FOXD4L1: variants seen among roughly 807,000 people sequenced by gnomAD.
The protein encoded by FOXD4L1 is forkhead box D4 like 1.
A neutral mutation model predicts 24.8 loss-of-function variants in FOXD4L1; 10 were observed. That is an observed-to-expected ratio of 0.40 (90% CI 0.25 to 0.68). The LOEUF is 0.68. FOXD4L1 is among the 30% of genes least tolerant of loss of function. The probability of loss-of-function intolerance (pLI) is 0.37; values close to 1 mark genes in which losing one functional copy is unlikely to be tolerated. For missense variants in FOXD4L1, 364 were observed against 572.4 expected, an observed-to-expected ratio of 0.64 and a Z score of 3.72; for synonymous variants, 159 against 256.4, an observed-to-expected ratio of 0.62 and a Z score of 3.63.
At chr2:113,499,861 G>T (rs1484664140) in exon 1 of FOXD4L1, 1 of 1,576,026 alleles carries the variant, frequency 6.3e-7, no homozygotes, top group Non-Finnish European at 8.6e-7. Flanking sequence ...CGTAGGAAGC[G>T]TTTCAAGCGC....
In FOXD4L1 at chr2:113,500,555, G is replaced by C. The variant is rs531622876; in HGVS notation, c.*72G>C. The C allele has an allele frequency of 4.0e-6, 6 of 1,499,744 alleles. 1 individual carries two copies. In the African/African-American group the frequency reaches 8.4e-5, roughly 21 times the overall value. The allele number at this position is 1,499,744 out of a possible 1,614,324, so 92.9% of individuals were successfully genotyped here. ...GTTTTTTTAGTATCGCCCACGCCCA[G>C]TTCCCTGGCCAAGTCCGCAGGGCCC... On this transcript the variant is annotated 3_prime_UTR_variant, in exon 1 of 1. Coordinates refer to ENST00000306507, the Ensembl canonical transcript of FOXD4L1.
In FOXD4L1 at chr2:113,500,232, A is replaced by C. The variant is rs1242156743; in HGVS notation, c.976A>C (p.Ile326Leu). 2 of 1,556,910 alleles carry C rather than the reference A, an allele frequency of 1.3e-6. 1 individual carries two copies. The highest frequency in any genetic ancestry group is 5.6e-5 in the East Asian group (2 of 35,628). Residue 326 changes from isoleucine (I) to leucine (L), a missense_variant, in exon 1 of 1, where the codon ATT becomes CTT. Physicochemically the swap from Ile to Leu is conservative, Grantham distance 5. Coordinates refer to ENST00000306507, the Ensembl canonical transcript of FOXD4L1. Reference sequence around the variant, plus strand: ...GGGAGGCGGATGCATCTCTTTCAGCATTGAGAGTATCATGCAAGGGGTCAG... The same window carrying C: ...GGGAGGCGGATGCATCTCTTTCAGCCTTGAGAGTATCATGCAAGGGGTCAG...
Position 113,500,519 on chromosome 2 carries a change from G to A in FOXD4L1, c.*36G>A, listed in dbSNP as rs761445044. 4.6e-6 allele frequency: 7 copies of A among 1,512,944 alleles called. 2 individuals are homozygous for A. The highest frequency in any genetic ancestry group is 3.6e-5 in the South Asian group (3 of 84,148). The allele number at this position is 1,512,944 out of a possible 1,614,324, so 93.7% of individuals were successfully genotyped here. ...CTGGCTGCCCCTTTGGGCGGAGAGGGGACCTCACCAGTTTTTTTAGTATCG... is the reference window on the plus strand; with the variant it reads ...CTGGCTGCCCCTTTGGGCGGAGAGGAGACCTCACCAGTTTTTTTAGTATCG... On this transcript the variant is annotated 3_prime_UTR_variant, in exon 1 of 1. Coordinates refer to ENST00000306507, the Ensembl canonical transcript of FOXD4L1.
In FOXD4L1 at chr2:113,499,756, A is replaced by C. The variant is rs754819870; in HGVS notation, c.500A>C (p.Lys167Thr). 20 of 1,602,800 alleles carry C rather than the reference A, an allele frequency of 1.2e-5. 1 individual carries two copies. The South Asian group carries it at 2.2e-4, about 18-fold the overall frequency. ...CTCTCGCTGAACGACTGCTTCGTCA[A>C]GATCCCCCGCGAGCCGGGCCACCCA... The change falls in exon 1 of 1, where the codon AAG (lysine) becomes ACG (threonine). Residue 167 changes from lysine to threonine, a missense_variant. Lys to Thr is a moderately conservative substitution (Grantham distance 78). Coordinates refer to ENST00000306507, the Ensembl canonical transcript of FOXD4L1.
rs1682431510 is a variant in FOXD4L1 at position 113,500,716 on chromosome 2, A to G, written c.*233A>G. On this transcript the variant is annotated 3_prime_UTR_variant, in exon 1 of 1. Coordinates refer to ENST00000306507, the Ensembl canonical transcript of FOXD4L1. ...TGTTCCCTGCAAAATGGTTAGAAAG[A>G]AACAGCTGGATTACGTTCCTCTAAA... 1.4e-5 allele frequency: 16 copies of G among 1,114,464 alleles called. 1 individual carries two copies. Among genetic ancestry groups the G allele is most frequent in the Non-Finnish European group, 1.9e-5 (15 of 808,052 alleles). 69.0% of individuals were successfully genotyped at this position (1,114,464 alleles called of 1,614,324 possible).
exon 1 of FOXD4L1, chr2:113,499,056 T>G (rs1317914629): frequency 6.0e-6 from 5 of 826,916 alleles, no homozygotes; most frequent in Non-Finnish European, 9.4e-6. Flanking sequence ...CACATGGTCT[T>G]GAAGAAGCTT....
chr2:113,499,379 C>CGAG (rs780875708), exon 1 of FOXD4L1: 5 of 1,610,036 alleles, frequency 3.1e-6, no homozygotes, highest in Non-Finnish European at 4.2e-6. Context: ...AGGTGGAAGA[C>CGAG]GAGGAGGAGG....
At position 113,499,356 on chromosome 2, in the gene FOXD4L1, G is replaced by A. The variant is rs752667315; in HGVS notation, c.100G>A (p.Glu34Lys). Reference sequence around the variant, plus strand: ...TAAAATCGATGTCCTGGGAGAGGAGGAAGATGAAGACGAGGTGGAAGACGA... The same window carrying A: ...TAAAATCGATGTCCTGGGAGAGGAGAAAGATGAAGACGAGGTGGAAGACGA... Residue 34 changes from glutamate to lysine, a missense_variant, in exon 1 of 1, where the codon GAA becomes AAA. Physicochemically the swap from Glu to Lys is moderately conservative, Grantham distance 56 (BLOSUM62 1). Coordinates refer to ENST00000306507, the Ensembl canonical transcript of FOXD4L1. 1.1e-5 allele frequency: 18 copies of A among 1,610,546 alleles called. No homozygotes were observed. The East Asian group carries it at 1.8e-4, about 16-fold the overall frequency.
rs765540047 is a variant in FOXD4L1 at position 113,500,326 on chromosome 2, G to A, written c.1070G>A (p.Arg357Gln). ...TGGAGCTACTGCCCCCTGCTCCAGCGACCGTCAAGCCTGTCGGACAATTTT... is the reference window on the plus strand; with the variant it reads ...TGGAGCTACTGCCCCCTGCTCCAGCAACCGTCAAGCCTGTCGGACAATTTT... Residue 357 changes from arginine to glutamine, a missense_variant, in exon 1 of 1, where the codon CGA (arginine) becomes CAA (glutamine). Physicochemically the swap from Arg to Gln is conservative, Grantham distance 43. Coordinates refer to ENST00000306507, the Ensembl canonical transcript of FOXD4L1. 7 of 1,522,602 alleles carry A rather than the reference G, an allele frequency of 4.6e-6. 1 individual carries two copies. The highest frequency in any genetic ancestry group is 4.6e-4 in the Middle Eastern group (2 of 4,340). The allele number at this position is 1,522,602 out of a possible 1,614,324, so 94.3% of individuals were successfully genotyped here.
exon 1 of FOXD4L1, chr2:113,499,693 G>T (rs749490327): frequency 6.2e-7 from 1 of 1,609,236 alleles, no homozygotes; most frequent in Non-Finnish European, 8.5e-7. Flanking sequence ...TACTACCGCC[G>T]CAAGTTCCCC....
chr2:113,500,425 G>T, exon 1 of FOXD4L1: 2 of 1,518,982 alleles, frequency 1.3e-6, no homozygotes, highest in Non-Finnish European at 1.8e-6. Context: ...GGTGCTGGGC[G>T]GGCACCTGTC....
chr2:113,500,487 G>A lies in FOXD4L1; in HGVS notation c.*4G>A, dbSNP rs201768703. 4.2e-5 allele frequency: 64 copies of A among 1,517,302 alleles called. 16 individuals are homozygous for A. The highest frequency in any genetic ancestry group is 5.5e-5 in the Non-Finnish European group (62 of 1,125,098). 94.0% of individuals were successfully genotyped at this position (1,517,302 alleles called of 1,614,324 possible). ...AGGCGGTGGCAGAGGGCTCTAGGCT[G>A]ACATCGCTGGCTGCCCCTTTGGGCG... On this transcript the variant is annotated 3_prime_UTR_variant, in exon 1 of 1. Coordinates refer to ENST00000306507, the Ensembl canonical transcript of FOXD4L1.
At chr2:113,499,423 A>T (rs1216785668) in exon 1 of FOXD4L1, 1 of 1,605,340 alleles carries the variant, frequency 6.2e-7, no homozygotes, top group Admixed American at 1.7e-5. Context: ...CAGTCGCTCC[A>T]GCCGGGGCTG....
Position 113,499,804 on chromosome 2 carries a change from T to G in FOXD4L1, c.548T>G (p.Leu183Arg), listed in dbSNP as rs13428956. 15,561 of 1,538,766 alleles carry G rather than the reference T, an allele frequency of 0.01. 3,179 individuals carry two copies. The African/African-American group carries it at 0.19, about 19-fold the overall frequency. ...CCAGGCAAGGGCACCTACTGGAGCCTGGACCCCGCCTCCCAGGACATGTTC... is the reference window on the plus strand; with the variant it reads ...CCAGGCAAGGGCACCTACTGGAGCCGGGACCCCGCCTCCCAGGACATGTTC... The change falls in exon 1 of 1, where the codon CTG becomes CGG. Residue 183 changes from leucine to arginine, a missense_variant. Transcript: ENST00000306507.
exon 1 of FOXD4L1, chr2:113,500,651 G>A: frequency 1.4e-6 from 2 of 1,412,296 alleles, no homozygotes; most frequent in Non-Finnish European, 1.9e-6. Flanking sequence ...CATACTGGGC[G>A]TGTGCATCTG....
In FOXD4L1 at chr2:113,499,687, A is replaced by G. The variant is rs1048297460; in HGVS notation, c.431A>G (p.Tyr144Cys). 6 of 1,608,568 alleles carry G rather than the reference A, an allele frequency of 3.7e-6. No individual in the cohort carries two copies. In the African/African-American group the frequency reaches 8.1e-5, roughly 22 times the overall value. ...TTCATTAGTGGCCGCTTCCCCTACT[A>G]CCGCCGCAAGTTCCCCGCCTGGCAG... is the stretch of plus-strand genomic sequence containing the variant. The change falls in exon 1 of 1, where the codon TAC becomes TGC. Residue 144 changes from tyrosine (Y) to cysteine (C), a missense_variant. By Grantham distance (194) the Tyr-to-Cys change is radical. Transcript: ENST00000306507.
chr2:113,500,206 C>A lies in FOXD4L1; in HGVS notation c.950C>A (p.Pro317Gln), dbSNP rs1362145396. Residue 317 changes from proline to glutamine, a missense_variant, in exon 1 of 1, where the codon CCG (proline) becomes CAG (glutamine). Transcript: ENST00000306507. ...GAGGGCAAGGGTCTGGCGTCGCCAC[C>A]GGGAGGCGGATGCATCTCTTTCAGC... is the stretch of plus-strand genomic sequence containing the variant. The A allele has an allele frequency of 5.1e-6, 8 of 1,557,876 alleles. 2 individuals carry two copies. The Admixed American group carries it at 1.5e-4, about 29-fold the overall frequency.
chr2:113,500,624 C>T lies in FOXD4L1; in HGVS notation c.*141C>T. 4.8e-6 allele frequency: 7 copies of T among 1,450,704 alleles called. 2 individuals carry two copies. The highest frequency in any genetic ancestry group is 6.4e-6 in the Non-Finnish European group (7 of 1,092,724). 89.9% of individuals were successfully genotyped at this position (1,450,704 alleles called of 1,614,324 possible). A position where few individuals can be genotyped will look rare whatever the true frequency, so the allele number is the denominator to read the frequency against. On this transcript the variant is annotated 3_prime_UTR_variant, in exon 1 of 1. Transcript: ENST00000306507. ...GTGGGGAGCGATCCGCAGCTGCTCA[C>T]TCCACCTTGCGCGGCCCATACTGGG...
chr2:113,499,562 C>T, exon 1 of FOXD4L1: 1 of 1,608,816 alleles, frequency 6.2e-7, no homozygotes, highest in Non-Finnish European at 8.5e-7. Flanking sequence ...CTGAAGATGC[C>T]CGGCAGCCGG....
Sources: allele counts gnomAD v4.1 joint callset, GRCh38; gene constraint gnomAD v4.1.1; transcripts MANE v1.5; gene names NCBI Gene and HGNC (gene_info 2026-07-23, HGNC 2026-07-21).